CFAP299: variants seen among roughly 807,000 people sequenced by gnomAD.
The protein encoded by CFAP299 is cilia and flagella associated protein 299, also known as cilia- and flagella-associated protein 299.
CFAP299 carries 21 observed loss-of-function variants against 27.0 expected under a neutral mutation model. That is an observed-to-expected ratio of 0.78 (90% CI 0.55 to 1.12). The LOEUF (loss-of-function observed/expected upper bound fraction) is 1.12. CFAP299 is among the 50% of genes most tolerant of loss of function. CFAP299 has a pLI of 0.00. For missense variants in CFAP299, 310 were observed against 276.6 expected, an observed-to-expected ratio of 1.12 and a Z score of -0.86; for synonymous variants, 104 against 98.1, an observed-to-expected ratio of 1.06 and a Z score of -0.36.
intron 2 of CFAP299, among the ~76,000 whole-genome samples, chr4:80,540,944 G>A (rs1233988706): frequency 6.6e-6 from 1 of 151,946 alleles, no homozygotes; most frequent in Non-Finnish European, 1.5e-5. Context: ...TTTTATTCTT[G>A]ATAATTACCA....
At chr4:80,908,663 C>T (rs1330477607) in intron 4 of CFAP299, among the ~76,000 whole-genome samples, 1 of 152,064 alleles carries the variant, frequency 6.6e-6, no homozygotes, top group African/African-American at 2.4e-5. Flanking sequence ...ATGTGCAAAC[C>T]AAATTGCCTT....
At chr4:80,386,546 T>C in intron 2 of CFAP299, 1 of 1,592,810 alleles carries the variant, frequency 6.3e-7, no homozygotes, top group South Asian at 1.1e-5. Flanking sequence ...TTGCAGGTCC[T>C]TTTCCTTCTG....
chr4:80,681,896 C>G (rs1422592198), intron 3 of CFAP299, among the ~76,000 whole-genome samples: 1 of 152,096 alleles, frequency 6.6e-6, no homozygotes, highest in Non-Finnish European at 1.5e-5. Context: ...CTTGAGAATT[C>G]AAGATCTAGA....
intron 2 of CFAP299, among the ~76,000 whole-genome samples, chr4:80,451,080 G>A (rs1728882109): frequency 6.6e-6 from 1 of 152,146 alleles, no homozygotes; most frequent in South Asian, 2.1e-4. Flanking sequence ...ATCTCACAGA[G>A]TGGGTGGCTT....
At position 80,397,296 on chromosome 4, in the gene CFAP299, G is replaced by A. The variant is rs530003886; in HGVS notation, c.242+34412G>A. Among the ~76,000 whole-genome samples the A allele has an allele frequency of 1.9e-3, 291 of 151,972 alleles. 1 individual carries two copies. The highest frequency in any genetic ancestry group is 4.2e-3 in the African/African-American group (172 of 41,428). ...TTTCTTCTTTATTGGTCTTGCTAGC[G>A]GTCTATCAATTTTGTTGATCTTTTC... On this transcript the variant is annotated intron_variant, in intron 2 of 5. Transcript: ENST00000358105.
At chr4:80,433,326 C>T (rs932339824) in intron 2 of CFAP299, among the ~76,000 whole-genome samples, 44 of 152,112 alleles carry the variant, frequency 2.9e-4, no homozygotes, top group African/African-American at 1.1e-3. Context: ...TTCTAAATAT[C>T]TCAATATGTA....
chr4:80,719,593 A>G (rs991650988), intron 3 of CFAP299, among the ~76,000 whole-genome samples: 1 of 152,190 alleles, frequency 6.6e-6, no homozygotes, highest in Admixed American at 6.5e-5. Flanking sequence ...TTTTTGAAAA[A>G]GAAAGAAAGT....
the CFAP299 span, among the ~76,000 whole-genome samples, chr4:80,328,739 C>T: frequency 6.6e-6 from 1 of 152,084 alleles, no homozygotes; most frequent in Non-Finnish European, 1.5e-5. Flanking sequence ...CCACTGTTTT[C>T]CTCTCTTCTG....
At chr4:80,392,655 G>A (rs1019253906) in intron 2 of CFAP299, among the ~76,000 whole-genome samples, 2 of 151,896 alleles carry the variant, frequency 1.3e-5, no homozygotes, top group African/African-American at 4.8e-5. Flanking sequence ...AGGCCTTCCC[G>A]GCCACGCTGA....
chr4:80,842,206 A>G (rs955081609), intron 3 of CFAP299, among the ~76,000 whole-genome samples: 3 of 152,238 alleles, frequency 2.0e-5, no homozygotes, highest in Admixed American at 1.3e-4. Context: ...TGGGTTCCCA[A>G]GTTCTAACTC....
At chr4:80,605,766 C>T (rs534043149) in intron 3 of CFAP299, among the ~76,000 whole-genome samples, 3 of 152,166 alleles carry the variant, frequency 2.0e-5, no homozygotes, top group Non-Finnish European at 4.4e-5. Context: ...AGGAAAGATA[C>T]AAGAATAATA....
intron 4 of CFAP299, among the ~76,000 whole-genome samples, chr4:80,885,723 A>T (rs1470741562): frequency 2.6e-5 from 4 of 152,204 alleles, no homozygotes; most frequent in Admixed American, 2.6e-4. Context: ...AGTGATACTC[A>T]GGGAGTATGC....
At position 80,864,429 on chromosome 4, in the gene CFAP299, G is replaced by GGTATATATATATATATATACCTATATAA. The variant is rs1553901341; in HGVS notation, c.334-5552_334-5525dup. Among the ~76,000 whole-genome samples, 79 of 128,136 alleles carry GGTATATATATATATATATACCTATATAA rather than the reference G, an allele frequency of 6.2e-4. 1 individual carries two copies. Among genetic ancestry groups the GGTATATATATATATATATACCTATATAA allele is most frequent in the Middle Eastern group, 4.5e-3 (1 of 222 alleles). 84.1% of individuals were successfully genotyped at this position (128,136 alleles called of 152,430 possible). On this transcript the variant is annotated intron_variant, in intron 3 of 5. Transcript: ENST00000358105. Reference sequence around the variant, plus strand: ...ATGTGTGTGTATGTGTATATATATAGGTATATATATATATATATACCTATA... The same window carrying GGTATATATATATATATATACCTATATAA: ...ATGTGTGTGTATGTGTATATATATAGGTATATATATATATATATACCTATATAAGTATATATATATATATATACCTATA...
chr4:80,620,229 C>T (rs1484883572), intron 3 of CFAP299, among the ~76,000 whole-genome samples: 1 of 152,108 alleles, frequency 6.6e-6, no homozygotes, highest in Admixed American at 6.6e-5. Flanking sequence ...ATAGACACAA[C>T]AATCTTCAGG....
At chr4:80,738,505 A>G (rs1724050104) in intron 3 of CFAP299, among the ~76,000 whole-genome samples, 1 of 151,920 alleles carries the variant, frequency 6.6e-6, no homozygotes, top group Admixed American at 6.6e-5. Context: ...CTCCTCTTAT[A>G]GTTTTTTTCT....
intron 3 of CFAP299, among the ~76,000 whole-genome samples, chr4:80,716,874 G>T (rs1014104497): frequency 6.6e-6 from 1 of 152,152 alleles, no homozygotes; most frequent in African/African-American, 2.4e-5. Flanking sequence ...GTGATAGAGA[G>T]GTTGCCCAGG....
rs190394378 is a variant in CFAP299, at chr4:80,340,028, G to C, written c.111+4149G>C. On this transcript the variant is annotated intron_variant, in intron 1 of 5. Coordinates refer to ENST00000358105, the MANE Select transcript of CFAP299 (RefSeq NM_152770.3). ...TCCCATTATTTATAAAATAGAAATG[G>C]GGAGGGGCCAAGATGGCTGACTAGA... 3.9e-5 allele frequency among the ~76,000 whole-genome samples: 6 copies of C among 152,314 alleles called. No homozygotes were observed. The East Asian group carries it at 1.2e-3, about 29-fold the overall frequency.
intron 3 of CFAP299, among the ~76,000 whole-genome samples, chr4:80,849,509 T>C (rs1731378944): frequency 6.6e-6 from 1 of 152,182 alleles, no homozygotes; most frequent in South Asian, 2.1e-4. Context: ...AGCAGTGAGT[T>C]TCTGAGGGCA....
intron 3 of CFAP299, among the ~76,000 whole-genome samples, chr4:80,594,710 A>C (rs1458650640): frequency 6.6e-6 from 1 of 151,980 alleles, no homozygotes; most frequent in African/African-American, 2.4e-5. Flanking sequence ...ATTTTATTCT[A>C]TTCTCTGAAT....
Sources: allele counts gnomAD v4.1 joint callset (sites outside exome capture counted in the v4.1 genomes callset), GRCh38; gene constraint gnomAD v4.1.1; transcripts MANE v1.5; gene names NCBI Gene and HGNC (gene_info 2026-07-23, HGNC 2026-07-21).